Variants in AK7 observed in about 807,000 individuals in gnomAD.
AK7 encodes the protein ATP-AMP transphosphorylase 7.
A neutral mutation model predicts 96.6 loss-of-function variants in AK7; 78 were observed. The ratio of observed to expected loss-of-function variants is 0.81; its 90% confidence interval spans 0.67 to 0.97. The LOEUF is 0.97. AK7 is among the 50% of genes least tolerant of loss of function. The pLI, the probability that AK7 is intolerant of heterozygous loss-of-function variation, is 0.00. For missense variants in AK7, 855 were observed against 887.9 expected (o/e 0.96, Z 0.47); for synonymous variants, 302 against 317.2 (o/e 0.95, Z 0.51).
Position 96,471,581 on chromosome 14 carries a change from T to C in AK7, c.1461T>C (p.Tyr487=), listed in dbSNP as rs1461811736. ...TTTTGGATGGATTCCCAAAGACCTA[T>C]GATCAAGCAAAAGACCTGTTCAATC... ...GYILDGFPKT[Y]DQAKDLFNQE... is the part of the protein sequence containing the mutation. Residue 487 remains tyrosine, a synonymous_variant, in exon 13 of 18, where the codon TAT becomes TAC. Coordinates refer to ENST00000267584, the MANE Select transcript of AK7 (RefSeq NM_152327.5). The C allele has an allele frequency of 6.3e-7, 1 of 1,593,746 alleles. No individual in the cohort carries two copies. Among genetic ancestry groups the C allele is most frequent in the African/African-American group, 1.3e-5 (1 of 74,122 alleles).
Position 96,469,745 on chromosome 14 carries a change from G to A in AK7, c.1358-1733G>A, listed in dbSNP as rs115030514. ...AAATTTCTGAAAGACAGTTATTTTC[G>A]GAACCTGCTACTGCCTAATGGATGG... On this transcript the variant is annotated intron_variant, in intron 12 of 17. Coordinates refer to ENST00000267584, the MANE Select transcript of AK7 (RefSeq NM_152327.5). Among the ~76,000 whole-genome samples the A allele has an allele frequency of 6.0e-3, 911 of 152,062 alleles. 3 individuals are homozygous for A. Among genetic ancestry groups the A allele is most frequent in the African/African-American group, 0.021 (865 of 41,480 alleles).
intron 9 of AK7, among the ~76,000 whole-genome samples, chr14:96,450,432 A>T (rs201825560): frequency 2.3e-5 from 2 of 85,404 alleles, no homozygotes; most frequent in South Asian, 3.0e-4. Context: ...AAAAAAAATT[A>T]AAAAAAAAAA....
chr14:96,475,408 T>C (rs528416283), intron 14 of AK7, among the ~76,000 whole-genome samples: 1 of 152,214 alleles, frequency 6.6e-6, no homozygotes, highest in Admixed American at 6.5e-5. Context: ...AATGCCGTTG[T>C]TGGGGTTTCT....
intron 3 of AK7, among the ~76,000 whole-genome samples, chr14:96,408,111 C>T (rs1367111537): frequency 6.6e-6 from 1 of 152,224 alleles, no homozygotes; most frequent in Non-Finnish European, 1.5e-5. Context: ...CTACAGCCCA[C>T]AGCCCCAGGG....
At chr14:96,463,712 T>C in intron 12 of AK7, among the ~76,000 whole-genome samples, 1 of 102,826 alleles carries the variant, frequency 9.7e-6, no homozygotes, top group Middle Eastern at 6.7e-3. Flanking sequence ...AGAGCAATAC[T>C]CTGTCTCAAA....
intron 11 of AK7, 35 bp from the exon 12 acceptor site, chr14:96,458,048 G>T: frequency 6.2e-7 from 1 of 1,605,880 alleles, no homozygotes; most frequent in South Asian, 1.1e-5. Flanking sequence ...TGGATGTGGG[G>T]CATCATCCAA....
rs1270503442 is a variant in AK7, at chr14:96,478,463, A to T, written c.1556-2A>T. 8.7e-6 allele frequency: 14 copies of T among 1,613,946 alleles called. No individual in the cohort carries two copies. Among genetic ancestry groups the T allele is most frequent in the African/African-American group, 1.3e-5 (1 of 74,888 alleles). ...AACTCTGGAGTCTGTCCTTCTCCCC[A>T]GAATTCGTTTGTGCACTGGATGCTT... On this transcript the variant is annotated splice_acceptor_variant, in intron 14 of 17. Coordinates refer to ENST00000267584, the MANE Select transcript of AK7 (RefSeq NM_152327.5). LOFTEE classifies it high-confidence loss of function.
At chr14:96,419,189 C>T (rs547040496) in intron 4 of AK7, among the ~76,000 whole-genome samples, 3 of 152,228 alleles carry the variant, frequency 2.0e-5, no homozygotes, top group South Asian at 2.1e-4. Flanking sequence ...ATTCCCAGGA[C>T]GTACTTAATC....
intron 4 of AK7, among the ~76,000 whole-genome samples, chr14:96,418,808 C>T (rs1891506347): frequency 6.6e-6 from 1 of 152,230 alleles, no homozygotes; most frequent in Non-Finnish European, 1.5e-5. Flanking sequence ...CATGGGCCAC[C>T]TCGCCTAGCC....
At chr14:96,484,620 C>A (rs1895677550) in intron 16 of AK7, among the ~76,000 whole-genome samples, 1 of 152,210 alleles carries the variant, frequency 6.6e-6, no homozygotes, top group South Asian at 2.1e-4. Context: ...CACCTGGCAT[C>A]TTTACCAGAA....
At position 96,487,181 on chromosome 14, in the gene AK7, C is replaced by T. The variant is rs1055167649; in HGVS notation, c.2133+125C>T. The T allele has an allele frequency of 1.9e-5, 18 of 939,572 alleles. No individual in the cohort carries two copies. In the African/African-American group the frequency reaches 3.0e-4, roughly 16 times the overall value. 58.2% of individuals were successfully genotyped at this position (939,572 alleles called of 1,614,324 possible). ...CTTGTGGTCAGGAGTTAGAGACCAC[C>T]CTGCCAACATAGTGAAACCCCGTCT... On this transcript the variant is annotated intron_variant, in intron 17 of 17. Transcript: ENST00000267584.
rs1362112971 is a variant in AK7 at position 96,483,195 on chromosome 14, G to A, written c.1950G>A (p.Glu650=). The A allele has an allele frequency of 1.5e-5, 24 of 1,609,296 alleles. No homozygotes were observed. Among genetic ancestry groups the A allele is most frequent in the South Asian group, 3.3e-5 (3 of 90,570 alleles). ...ACCAGGAGGCCGTGGAGATGGCAGA[G>A]AAGATAGCTCGCTGGGAGGAGTGGG... ...REHQEAVEMA[E]KIARWEEWNK... is the part of the protein sequence containing the mutation. The change falls in exon 16 of 18, where the codon GAG becomes GAA. Residue 650 remains glutamate (E), a synonymous_variant. Coordinates refer to ENST00000267584, the MANE Select transcript of AK7 (RefSeq NM_152327.5).
chr14:96,457,856 A>G (rs1894020006), intron 11 of AK7, among the ~76,000 whole-genome samples: 1 of 152,214 alleles, frequency 6.6e-6, no homozygotes, highest in African/African-American at 2.4e-5. Flanking sequence ...CAGTTCTGGC[A>G]TTAGCACAAA....
chr14:96,451,803 T>C (rs1893621810), intron 10 of AK7, among the ~76,000 whole-genome samples: 1 of 152,192 alleles, frequency 6.6e-6, no homozygotes, highest in Non-Finnish European at 1.5e-5. Context: ...TATGCAAATT[T>C]ATCTAATTTA....
At chr14:96,448,802 A>G (rs1390472768) in intron 8 of AK7, among the ~76,000 whole-genome samples, 1 of 152,012 alleles carries the variant, frequency 6.6e-6, no homozygotes, top group Non-Finnish European at 1.5e-5. Flanking sequence ...CTAAAAATAC[A>G]AAAATTAGCC....
intron 8 of AK7, among the ~76,000 whole-genome samples, chr14:96,447,727 T>A (rs1041036295): frequency 1.3e-5 from 2 of 152,024 alleles, no homozygotes; most frequent in Admixed American, 6.5e-5. Flanking sequence ...TGGGCTCAAG[T>A]GATCCTGCCA....
rs183723225 is a variant in AK7 at position 96,441,146 on chromosome 14, A to G, written c.691-1584A>G. Among the ~76,000 whole-genome samples, 12 of 152,318 alleles carry G rather than the reference A, an allele frequency of 7.9e-5. No homozygotes were observed. The East Asian group carries it at 2.3e-3, about 29-fold the overall frequency. On this transcript the variant is annotated intron_variant, in intron 6 of 17. Transcript: ENST00000267584. ...CAGCGAATCTGCATTTTTATGTAAG[A>G]TAAAATAGACATAGGGCCGAGGAAG...
chr14:96,395,863 G>A (rs1255882182), intron 1 of AK7, among the ~76,000 whole-genome samples: 1 of 119,616 alleles, frequency 8.4e-6, no homozygotes, highest in African/African-American at 3.3e-5. Context: ...CCAGGCTGGA[G>A]TACAGTAGCA....
rs767780619 is a variant in AK7 at position 96,408,921 on chromosome 14, C to T, written c.478C>T (p.Arg160Cys). The T allele has an allele frequency of 6.8e-6, 11 of 1,614,194 alleles. No individual in the cohort carries two copies. Among genetic ancestry groups the T allele is most frequent in the South Asian group, 5.5e-5 (5 of 91,088 alleles). Reference sequence around the variant, plus strand: ...ACTGTCGACGGTGATGACTTGGGCGCGCTCCAAAGCCCTGGACCCCGTAAG... The same window carrying T: ...ACTGTCGACGGTGATGACTTGGGCGTGCTCCAAAGCCCTGGACCCCGTAAG... The part of the protein sequence containing the change: ...ILLSTVMTWA[R>C]SKALDPEDSE... The change falls in exon 4 of 18, where the codon CGC becomes TGC. Residue 160 changes from arginine (R) to cysteine (C), a missense_variant. Physicochemically the swap from Arg to Cys is radical, Grantham distance 180. Coordinates refer to ENST00000267584, the MANE Select transcript of AK7 (RefSeq NM_152327.5).
Sources: allele counts gnomAD v4.1 joint callset (sites outside exome capture counted in the v4.1 genomes callset), GRCh38; gene constraint gnomAD v4.1.1; transcripts MANE v1.5; gene names NCBI Gene and HGNC (gene_info 2026-07-23, HGNC 2026-07-21).